Variants in KCND2 observed in about 807,000 individuals in gnomAD.
KCND2 encodes A-type voltage-gated potassium channel KCND2.
Under a neutral mutation model 54.4 loss-of-function variants are expected in KCND2, and 16 were observed. The ratio of observed to expected loss-of-function variants is 0.29; its 90% CI spans 0.20 to 0.45. KCND2 has a LOEUF of 0.45. Ranked by LOEUF, KCND2 falls within the 20% of genes least tolerant of loss-of-function variation. The pLI is 1.00. For missense variants in KCND2, 486 were observed against 824.2 expected (o/e 0.59, Z 5.02); for synonymous variants, 317 against 310.7 (o/e 1.02, Z -0.21).
intron 1 of KCND2, among the ~76,000 whole-genome samples, chr7:120,490,207 A>C (rs145828767): frequency 1.4e-5 from 2 of 145,716 alleles, no homozygotes; most frequent in African/African-American, 5.5e-5. Flanking sequence ...AAATTACAAC[A>C]ATTTTCCCCA....
At chr7:120,306,088 G>C (rs918869329) in intron 1 of KCND2, among the ~76,000 whole-genome samples, 3 of 152,072 alleles carry the variant, frequency 2.0e-5, no homozygotes, top group African/African-American at 7.2e-5. Flanking sequence ...AGCTGTGACT[G>C]TTTCCTGCAT....
At chr7:120,488,486 T>TC (rs1206769233) in intron 1 of KCND2, among the ~76,000 whole-genome samples, 5 of 152,206 alleles carry the variant, frequency 3.3e-5, no homozygotes, top group Admixed American at 6.5e-5. Flanking sequence ...TTTTTTTCTT[T>TC]AAGTAAAATT....
At chr7:120,377,727 A>G (rs1800855141) in intron 1 of KCND2, among the ~76,000 whole-genome samples, 1 of 151,940 alleles carries the variant, frequency 6.6e-6, no homozygotes, top group Non-Finnish European at 1.5e-5. Context: ...AATGGCAAAT[A>G]TTCTGGGAAC....
intron 1 of KCND2, among the ~76,000 whole-genome samples, chr7:120,537,536 C>G (rs1791927327): frequency 6.6e-6 from 1 of 152,170 alleles, no homozygotes; most frequent in South Asian, 2.1e-4. Context: ...CTCCTCTCTA[C>G]CTATGAAAGT....
intron 1 of KCND2, among the ~76,000 whole-genome samples, chr7:120,724,483 A>C (rs1010971352): frequency 6.6e-6 from 1 of 152,242 alleles, no homozygotes; most frequent in Admixed American, 6.5e-5. Context: ...AAGACGTAGT[A>C]CATTCCAGTA....
At chr7:120,584,346 G>A (rs1207297596) in intron 1 of KCND2, among the ~76,000 whole-genome samples, 1 of 152,132 alleles carries the variant, frequency 6.6e-6, no homozygotes, top group East Asian at 1.9e-4. Flanking sequence ...ACATTCAGGT[G>A]GCTCTTTCAG....
chr7:120,430,766 C>T (rs911429884), intron 1 of KCND2, among the ~76,000 whole-genome samples: 3 of 152,144 alleles, frequency 2.0e-5, no homozygotes, highest in African/African-American at 7.2e-5. Context: ...AAATTCAGTG[C>T]AGTTATGAGT....
intron 1 of KCND2, among the ~76,000 whole-genome samples, chr7:120,704,709 CTTG>C (rs1792445192): frequency 6.6e-6 from 1 of 152,094 alleles, no homozygotes; most frequent in African/African-American, 2.4e-5. Flanking sequence ...TGGTAAAATA[CTTG>C]TTATTTGTAG....
chr7:120,716,053 T>A (rs1169413738), intron 1 of KCND2, among the ~76,000 whole-genome samples: 1 of 152,068 alleles, frequency 6.6e-6, no homozygotes, highest in Non-Finnish European at 1.5e-5. Flanking sequence ...TAAGCCAAAT[T>A]CCACTTAAGA....
At chr7:120,293,979 G>A (rs1209102322) in intron 1 of KCND2, among the ~76,000 whole-genome samples, 1 of 151,944 alleles carries the variant, frequency 6.6e-6, no homozygotes, top group Non-Finnish European at 1.5e-5. Context: ...TAAATTCTCT[G>A]CTCTTGAAGT....
At chr7:120,475,836 G>A (rs1003452574) in intron 1 of KCND2, among the ~76,000 whole-genome samples, 4 of 152,070 alleles carry the variant, frequency 2.6e-5, no homozygotes, top group African/African-American at 9.7e-5. Flanking sequence ...GGTTAAATTT[G>A]TTTAAAAATA....
At chr7:120,307,004 C>T (rs1799657868) in intron 1 of KCND2, among the ~76,000 whole-genome samples, 1 of 151,908 alleles carries the variant, frequency 6.6e-6, no homozygotes, top group Non-Finnish European at 1.5e-5. Context: ...ATTATTCAGG[C>T]CTAAATAGCC....
At position 120,322,626 on chromosome 7, in the gene KCND2, A is replaced by C. The variant is rs116459401; in HGVS notation, c.1115+46879A>C. On this transcript the variant is annotated intron_variant, in intron 1 of 5. Coordinates refer to ENST00000331113, the MANE Select transcript of KCND2 (RefSeq NM_012281.3). Reference sequence around the variant, plus strand: ...TTCAGATTTTTTTCATTTACAAAGGAAATATTTATTTTAATTTTGTCACTG... The same window carrying C: ...TTCAGATTTTTTTCATTTACAAAGGCAATATTTATTTTAATTTTGTCACTG... Among the ~76,000 whole-genome samples the C allele has an allele frequency of 6.4e-4, 97 of 152,212 alleles. 1 individual carries two copies. The highest frequency in any genetic ancestry group is 2.2e-3 in the African/African-American group (90 of 41,556).
intron 1 of KCND2, among the ~76,000 whole-genome samples, chr7:120,728,767 T>A (rs1311900500): frequency 6.6e-6 from 1 of 151,980 alleles, no homozygotes; most frequent in Non-Finnish European, 1.5e-5. Flanking sequence ...ACTGAGTACA[T>A]AATATAAAAT....
At chr7:120,325,074 A>T (rs1248635119) in intron 1 of KCND2, among the ~76,000 whole-genome samples, 3 of 145,952 alleles carry the variant, frequency 2.1e-5, no homozygotes, top group Admixed American at 7.0e-5. Context: ...TGTGAATGGG[A>T]GTTCACTCAT....
intron 1 of KCND2, among the ~76,000 whole-genome samples, chr7:120,555,020 C>T (rs1792146978): frequency 6.6e-6 from 1 of 152,180 alleles, no homozygotes; most frequent in Non-Finnish European, 1.5e-5. Context: ...ACTCTGCTTT[C>T]ACTATAATCT....
At chr7:120,312,996 G>A (rs141965395) in intron 1 of KCND2, among the ~76,000 whole-genome samples, 27 of 152,302 alleles carry the variant, frequency 1.8e-4, no homozygotes, top group Middle Eastern at 3.4e-3. Context: ...TAATGTGACA[G>A]TTTAACCACT....
intron 1 of KCND2, among the ~76,000 whole-genome samples, chr7:120,714,318 A>T (rs1050059156): frequency 2.3e-4 from 35 of 152,090 alleles, no homozygotes; most frequent in African/African-American, 7.5e-4. Flanking sequence ...TTGACAAAAA[A>T]AAATAAATTA....
chr7:120,554,042 A>C (rs1463384546), intron 1 of KCND2, among the ~76,000 whole-genome samples: 1 of 152,186 alleles, frequency 6.6e-6, no homozygotes, highest in African/African-American at 2.4e-5. Flanking sequence ...ATCACATGAG[A>C]ATTAAAAGTG....
Sources: allele counts gnomAD v4.1 joint callset (sites outside exome capture counted in the v4.1 genomes callset), GRCh38; gene constraint gnomAD v4.1.1; transcripts MANE v1.5; gene names NCBI Gene and HGNC (gene_info 2026-07-23, HGNC 2026-07-21).